The following PPM1B variants were observed in gnomAD, a reference collection of about 807,000 sequenced individuals.
The protein encoded by PPM1B is protein phosphatase 1B.
A neutral mutation model predicts 43.0 loss-of-function variants in PPM1B; 22 were observed. The observed-to-expected ratio is 0.51, with a 90% CI of 0.37 to 0.73. The LOEUF (loss-of-function observed/expected upper bound fraction) is 0.73. PPM1B is among the 30% of genes least tolerant of loss of function. PPM1B has a pLI of 0.00. For synonymous variants in PPM1B, 217 were observed against 197.9 expected (o/e 1.10, Z -0.81); for missense variants, 632 against 584.2 (o/e 1.08, Z -0.84).
chr2:44,177,804 A>G (rs531471611), intron 1 of PPM1B, among the ~76,000 whole-genome samples: 30 of 149,420 alleles, frequency 2.0e-4, no homozygotes, highest in African/African-American at 7.2e-4. Flanking sequence ...TTTTTTTTAC[A>G]ATTTGTTCTT....
chr2:44,238,520 G>T (rs552639259), downstream of PPM1B, among the ~76,000 whole-genome samples: 1 of 152,010 alleles, frequency 6.6e-6, no homozygotes, highest in African/African-American at 2.4e-5. Context: ...TGGCCAACCT[G>T]GTGAAACCCC....
intron 1 of PPM1B, among the ~76,000 whole-genome samples, chr2:44,192,196 GTATTGTATT>G (rs1558400447): frequency 1.9e-5 from 2 of 106,632 alleles, no homozygotes; most frequent in African/African-American, 7.3e-5. Context: ...TTATGGTATT[GTATTGTATT>G]GTATTGTATT....
At chr2:44,230,001 A>G (rs2104273934) in intron 5 of PPM1B, 2 of 1,588,260 alleles carry the variant, frequency 1.3e-6, no homozygotes, top group East Asian at 2.3e-5. Flanking sequence ...AGCAGAAATG[A>G]TGAAGAAACT....
At chr2:44,208,881 G>A (rs1047565356) in intron 2 of PPM1B, among the ~76,000 whole-genome samples, 1 of 152,184 alleles carries the variant, frequency 6.6e-6, no homozygotes, top group African/African-American at 2.4e-5. Flanking sequence ...GTGGACTTAA[G>A]CCAGTTTGGG....
chr2:44,218,478 A>G lies in PPM1B; in HGVS notation c.1077-2A>G. ...AAACTAAAGCATGTTTTTTTTTTTT[A>G]GGCGTAATGTTATTGAAGCTGTTTA... On this transcript the variant is annotated splice_acceptor_variant, in intron 4 of 5. Coordinates refer to ENST00000282412, the MANE Select transcript of PPM1B (RefSeq NM_002706.6). LOFTEE classifies it high-confidence loss of function. The G allele has an allele frequency of 1.3e-6, 2 of 1,525,240 alleles. No individual in the cohort carries two copies. Among genetic ancestry groups the G allele is most frequent in the Non-Finnish European group, 1.8e-6 (2 of 1,124,210 alleles). 94.5% of individuals were successfully genotyped at this position (1,525,240 alleles called of 1,614,324 possible). A position where few individuals can be genotyped will look rare whatever the true frequency, so the allele number is the denominator to read the frequency against.
chr2:44,227,575 T>C (rs1265717536), intron 5 of PPM1B, among the ~76,000 whole-genome samples: 2 of 150,018 alleles, frequency 1.3e-5, no homozygotes, highest in Admixed American at 1.3e-4. Context: ...TGGAGTGCAG[T>C]GGGTGTGATC....
At chr2:44,225,952 G>T (rs1023015657) in intron 5 of PPM1B, among the ~76,000 whole-genome samples, 7 of 150,934 alleles carry the variant, frequency 4.6e-5, no homozygotes, top group African/African-American at 1.2e-4. Flanking sequence ...CACCGTGCCT[G>T]GCTATGGTTT....
chr2:44,215,496 G>A (rs1442758970), intron 3 of PPM1B, among the ~76,000 whole-genome samples: 1 of 152,054 alleles, frequency 6.6e-6, no homozygotes, highest in African/African-American at 2.4e-5. Context: ...TTGTAAAGCA[G>A]TGTTCTTCAG....
At chr2:44,188,917 T>C (rs1668270166) in intron 1 of PPM1B, among the ~76,000 whole-genome samples, 1 of 151,242 alleles carries the variant, frequency 6.6e-6, no homozygotes, top group African/African-American at 2.4e-5. Flanking sequence ...TTTGGGTTTT[T>C]TGTTGTTGTT....
intron 1 of PPM1B, among the ~76,000 whole-genome samples, chr2:44,181,706 A>C (rs1273889671): frequency 4.6e-5 from 7 of 152,246 alleles, no homozygotes; most frequent in African/African-American, 1.7e-4. Context: ...GTGGGTAGGC[A>C]TATGAAGGTG....
At chr2:44,172,726 A>T (rs911135680) in intron 1 of PPM1B, among the ~76,000 whole-genome samples, 1 of 152,142 alleles carries the variant, frequency 6.6e-6, no homozygotes, top group Non-Finnish European at 1.5e-5. Flanking sequence ...CCTGGGCAAC[A>T]TAGCAAGACC....
intron 1 of PPM1B, among the ~76,000 whole-genome samples, chr2:44,176,137 A>G (rs1344506227): frequency 6.6e-6 from 1 of 152,134 alleles, no homozygotes; most frequent in Non-Finnish European, 1.5e-5. Context: ...CCTGCATTAG[A>G]CAGACATGAG....
At chr2:44,228,249 A>G (rs569426269) in intron 5 of PPM1B, among the ~76,000 whole-genome samples, 16 of 126,370 alleles carry the variant, frequency 1.3e-4, no homozygotes, top group African/African-American at 4.9e-4. Context: ...GTTCATTGGT[A>G]TGGTCATGGG....
At chr2:44,219,908 A>G (rs924100092) in intron 5 of PPM1B, among the ~76,000 whole-genome samples, 1 of 150,860 alleles carries the variant, frequency 6.6e-6, no homozygotes, top group Admixed American at 6.7e-5. Flanking sequence ...ATGCCATTGC[A>G]CTCCACCCTG....
At chr2:44,203,501 A>G (rs369329380) in intron 2 of PPM1B, among the ~76,000 whole-genome samples, 3 of 152,156 alleles carry the variant, frequency 2.0e-5, no homozygotes, top group East Asian at 3.9e-4. Flanking sequence ...TTACTATTGG[A>G]AAAAAAATCC....
chr2:44,222,857 G>T (rs1341532912), intron 5 of PPM1B, among the ~76,000 whole-genome samples: 1 of 152,072 alleles, frequency 6.6e-6, no homozygotes, highest in Non-Finnish European at 1.5e-5. Flanking sequence ...TTGAGACAGG[G>T]TCTCATTCTT....
At chr2:44,207,336 T>G (rs1022815514) in intron 2 of PPM1B, among the ~76,000 whole-genome samples, 1 of 152,178 alleles carries the variant, frequency 6.6e-6, no homozygotes, top group African/African-American at 2.4e-5. Flanking sequence ...TTGGTTTCTT[T>G]CACTTGAGTT....
rs1048695594 is a variant in PPM1B, at chr2:44,201,601, A to T, written c.402A>T (p.Ala134=). The T allele has an allele frequency of 1.2e-6, 2 of 1,614,086 alleles. No homozygotes were observed. Among genetic ancestry groups the T allele is most frequent in the Non-Finnish European group, 1.7e-6 (2 of 1,180,034 alleles). The part of the protein sequence containing the change: ...RNGMDRSGST[A]VGVMISPKHI... Reference sequence around the variant, plus strand: ...GGATGGACAGGAGTGGTTCAACTGCAGTGGGAGTTATGATTTCACCTAAGC... The same window carrying T: ...GGATGGACAGGAGTGGTTCAACTGCTGTGGGAGTTATGATTTCACCTAAGC... The change falls in exon 2 of 6, where the codon GCA becomes GCT. Residue 134 remains alanine, a synonymous_variant. Coordinates refer to ENST00000282412, the MANE Select transcript of PPM1B (RefSeq NM_002706.6). The surrounding 1 kb of genome is among the most constrained non-coding windows in gnomAD (Gnocchi z 5.4).
rs144427372 is a variant in PPM1B, at chr2:44,206,044, A to G, written c.847-3166A>G. 2.3e-3 allele frequency among the ~76,000 whole-genome samples: 346 copies of G among 152,316 alleles called. 3 individuals are homozygous for G. The highest frequency in any genetic ancestry group is 8.0e-3 in the African/African-American group (331 of 41,572). ...AAAACAAAAACAAACAAAAAACTGT[A>G]TCAGATTGTTTTCTGTTTAAGTTTA... On this transcript the variant is annotated intron_variant, in intron 2 of 5. Transcript: ENST00000282412.
Sources: gnomAD v4.1 joint callset for allele counts (sites outside exome capture counted in the v4.1 genomes callset) on GRCh38, gnomAD v4.1.1 for gene constraint, Gnocchi (gnomAD v3.1) non-coding constraint, MANE v1.5 for transcripts, NCBI Gene and HGNC (gene_info 2026-07-23, HGNC 2026-07-21) for gene names.